The following SORCS2 variants were observed in gnomAD, a reference collection of about 807,000 sequenced individuals.
The protein encoded by SORCS2 is sortilin related VPS10 domain containing receptor 2, also known as VPS10 domain-containing receptor SorCS2.
A neutral mutation model predicts 141.6 loss-of-function variants in SORCS2; 100 were observed. That is an observed-to-expected ratio of 0.71 (90% confidence interval 0.60 to 0.83). The LOEUF (loss-of-function observed/expected upper bound fraction) is 0.83, where lower values mean the gene tolerates loss of function less well. Ranked by LOEUF, SORCS2 falls within the 40% of genes least tolerant of loss-of-function variation. SORCS2 has a pLI of 0.00. For synonymous variants in SORCS2, 789 were observed against 676.9 expected (o/e 1.17, Z -2.57); for missense variants, 1,646 against 1,560.2 (o/e 1.05, Z -0.93).
At chr4:7,461,827 A>G (rs4525976) in intron 2 of SORCS2, among the ~76,000 whole-genome samples, 91,278 of 151,676 alleles carry the variant, frequency 0.6, 29,399 homozygotes, top group African/African-American at 0.82. Flanking sequence ...ATCAAGCCCC[A>G]CCCCACATCT....
chr4:7,504,701 G>A (rs1263155060), intron 2 of SORCS2, among the ~76,000 whole-genome samples: 1 of 152,204 alleles, frequency 6.6e-6, no homozygotes, highest in South Asian at 2.1e-4. Context: ...TCGCTATCAC[G>A]AGTAGTAAGT....
At chr4:7,434,433 G>A in intron 2 of SORCS2, 1 of 1,609,428 alleles carries the variant, frequency 6.2e-7, no homozygotes, top group Non-Finnish European at 8.5e-7. Flanking sequence ...GTGGCCTCAG[G>A]GTGGCCAGGT....
chr4:7,381,838 A>C, intron 1 of SORCS2: 2 of 916,284 alleles, frequency 2.2e-6, no homozygotes, highest in Non-Finnish European at 2.6e-6. Flanking sequence ...AGCCAGGGCC[A>C]GAGAGCCTTA....
chr4:7,557,070 G>T (rs1272039473), intron 3 of SORCS2, among the ~76,000 whole-genome samples: 1 of 152,050 alleles, frequency 6.6e-6, no homozygotes, highest in African/African-American at 2.4e-5. Flanking sequence ...GGCATACCAT[G>T]ATATGCTCTC....
intron 1 of SORCS2, among the ~76,000 whole-genome samples, chr4:7,342,060 C>T (rs999031917): frequency 3.9e-5 from 6 of 152,306 alleles, no homozygotes; most frequent in South Asian, 2.1e-4. Context: ...AGTAATATTC[C>T]GTGGTGTGAA....
chr4:7,701,625 G>C (rs1725090602), intron 12 of SORCS2, among the ~76,000 whole-genome samples: 1 of 152,166 alleles, frequency 6.6e-6, no homozygotes. Flanking sequence ...GGAGCATGGG[G>C]GTCAGGGTAC....
At chr4:7,328,429 C>T (rs191629360) in intron 1 of SORCS2, among the ~76,000 whole-genome samples, 15 of 152,082 alleles carry the variant, frequency 9.9e-5, no homozygotes, top group East Asian at 5.8e-4. Context: ...GGAGAGTAAA[C>T]GGAGGCACCT....
At position 7,220,961 on chromosome 4, in the gene SORCS2, A is replaced by G. The variant is rs542483317; in HGVS notation, c.480+27835A>G. On this transcript the variant is annotated intron_variant, in intron 1 of 26. Coordinates refer to ENST00000507866, the MANE Select transcript of SORCS2 (RefSeq NM_020777.3). ...AAGGAATGATTTTTCAAAACAAAGTAATGCCCCAGTGGTTTGTCAGAGAGA... is the reference window on the plus strand; with the variant it reads ...AAGGAATGATTTTTCAAAACAAAGTGATGCCCCAGTGGTTTGTCAGAGAGA... 1.3e-4 allele frequency among the ~76,000 whole-genome samples: 20 copies of G among 152,374 alleles called. No individual in the cohort carries two copies. In the East Asian group the frequency reaches 3.1e-3, roughly 23 times the overall value.
At chr4:7,234,663 T>C (rs1712137500) in intron 1 of SORCS2, among the ~76,000 whole-genome samples, 2 of 152,298 alleles carry the variant, frequency 1.3e-5, no homozygotes, top group Admixed American at 6.5e-5. Flanking sequence ...CTAGGATCTG[T>C]CTCCTTGGCC....
At chr4:7,339,991 TG>T (rs1164339541) in intron 1 of SORCS2, among the ~76,000 whole-genome samples, 1 of 152,154 alleles carries the variant, frequency 6.6e-6, no homozygotes, top group African/African-American at 2.4e-5. Context: ...GAGGAGAGGC[TG>T]GGGGCTTGTC....
At chr4:7,724,982 A>C (rs1422502241) in intron 19 of SORCS2, among the ~76,000 whole-genome samples, 172 bp from the exon 20 acceptor site, 1 of 91,924 alleles carries the variant, frequency 1.1e-5, no homozygotes. Flanking sequence ...TGTTGGTGGG[A>C]ATGGATGGTG....
chr4:7,462,166 A>T (rs1183812322), intron 2 of SORCS2, among the ~76,000 whole-genome samples: 1 of 152,176 alleles, frequency 6.6e-6, no homozygotes, highest in Non-Finnish European at 1.5e-5. Flanking sequence ...TGGGGAGACG[A>T]GCTGACATTT....
intron 3 of SORCS2, among the ~76,000 whole-genome samples, chr4:7,602,415 A>C (rs868729996): frequency 2.7e-5 from 4 of 149,214 alleles, no homozygotes; most frequent in Non-Finnish European, 3.0e-5. Flanking sequence ...GGCCGGGCAG[A>C]GACACTCCTC....
At chr4:7,388,353 G>A (rs950835440) in intron 1 of SORCS2, among the ~76,000 whole-genome samples, 1 of 152,204 alleles carries the variant, frequency 6.6e-6, no homozygotes, top group South Asian at 2.1e-4. Flanking sequence ...GGTGGTTTTG[G>A]CCAGATGAGA....
chr4:7,526,007 T>G (rs1577697819), intron 2 of SORCS2, among the ~76,000 whole-genome samples: 1 of 122,768 alleles, frequency 8.1e-6, no homozygotes, highest in Non-Finnish European at 1.7e-5. Flanking sequence ...CAGTCACCTG[T>G]CCCCTCCTCA....
At chr4:7,528,001 T>C (rs1276969460) in intron 2 of SORCS2, among the ~76,000 whole-genome samples, 1 of 152,046 alleles carries the variant, frequency 6.6e-6, no homozygotes, top group Non-Finnish European at 1.5e-5. Flanking sequence ...CCGGCTGCAG[T>C]GTCTGTCTCC....
chr4:7,434,924 C>G (rs1251005761), intron 2 of SORCS2: 1 of 1,482,466 alleles, frequency 6.7e-7, no homozygotes, highest in Non-Finnish European at 9.0e-7. Context: ...GCAGTGGCTG[C>G]TGCTATAAAC....
At chr4:7,423,134 C>G (rs548871193) in intron 2 of SORCS2, among the ~76,000 whole-genome samples, 1 of 152,292 alleles carries the variant, frequency 6.6e-6, no homozygotes, top group South Asian at 2.1e-4. Flanking sequence ...CGCACCCATC[C>G]ACGCTAGGGG....
intron 1 of SORCS2, among the ~76,000 whole-genome samples, chr4:7,331,729 C>T (rs1719665870): frequency 6.6e-6 from 1 of 152,172 alleles, no homozygotes; most frequent in South Asian, 2.1e-4. Context: ...TAACGAGCCC[C>T]CAGGTGGCTG....
Sources: allele counts gnomAD v4.1 joint callset (sites outside exome capture counted in the v4.1 genomes callset), GRCh38; gene constraint gnomAD v4.1.1; transcripts MANE v1.5; gene names NCBI Gene and HGNC (gene_info 2026-07-23, HGNC 2026-07-21).